Variants in SVEP1 observed in about 807,000 individuals in gnomAD.
SVEP1 encodes the protein sushi, von Willebrand factor type A, EGF and pentraxin domain-containing protein 1.
SVEP1 carries 164 observed loss-of-function variants against 367.3 expected under a neutral mutation model. The observed-to-expected ratio is 0.45, with a 90% confidence interval of 0.39 to 0.51. The LOEUF is 0.51. Ranked by LOEUF, SVEP1 falls within the 20% of genes least tolerant of loss-of-function variation. SVEP1 has a pLI of 0.00. For synonymous variants in SVEP1, 1,666 were observed against 1,611.6 expected, an observed-to-expected ratio of 1.03 and a Z score of -0.81; for missense variants, 4,117 against 4,425.3, an observed-to-expected ratio of 0.93 and a Z score of 1.98.
chr9:110,543,193 GAC>G (rs1204583730), intron 3 of SVEP1, among the ~76,000 whole-genome samples: 1 of 152,078 alleles, frequency 6.6e-6, no homozygotes, highest in African/African-American at 2.4e-5. Context: ...GCTACACAAA[GAC>G]AGAGGCACCT....
chr9:110,452,490 C>T lies in SVEP1; in HGVS notation c.3788-1088G>A, dbSNP rs559382543. Among the ~76,000 whole-genome samples the T allele has an allele frequency of 7.2e-5, 11 of 152,160 alleles. No homozygotes were observed. In the South Asian group the frequency reaches 1.2e-3, roughly 17 times the overall value. ...CTAAGGAAATGCAACCATAGGCAGA[C>T]GGTGGAGAGGAAAGAGCATGAGAAA... On this transcript the variant is annotated intron_variant, in intron 22 of 47. Transcript: ENST00000374469.
chr9:110,550,129 T>C (rs1383952943), intron 1 of SVEP1, 25 bp from the exon 2 acceptor site: 2 of 1,613,036 alleles, frequency 1.2e-6, no homozygotes, highest in Non-Finnish European at 8.5e-7. Flanking sequence ...GGAAAGTTAA[T>C]ATGAGTGTGT....
intron 27 of SVEP1, 115 bp downstream of exon 27, chr9:110,443,426 GAGAT>G: frequency 4.3e-6 from 4 of 926,538 alleles, no homozygotes; most frequent in Non-Finnish European, 5.9e-6. Context: ...GGAAATAAGA[GAGAT>G]AGCTGTTAAT....
chr9:110,554,805 T>C (rs1225213921), intron 1 of SVEP1, among the ~76,000 whole-genome samples: 1 of 152,008 alleles, frequency 6.6e-6, no homozygotes, highest in African/African-American at 2.4e-5. Flanking sequence ...AAAAGTGTTA[T>C]TGACATAAAT....
chr9:110,445,068 T>C (rs1363293743), intron 26 of SVEP1, among the ~76,000 whole-genome samples: 1 of 152,226 alleles, frequency 6.6e-6, no homozygotes, highest in African/African-American at 2.4e-5. Context: ...GAAAAGGCCA[T>C]GTGGTGCACC....
chr9:110,477,271 A>C (rs890898488), intron 13 of SVEP1, among the ~76,000 whole-genome samples: 3 of 152,088 alleles, frequency 2.0e-5, no homozygotes, highest in African/African-American at 7.2e-5. Context: ...TTAGCCACTC[A>C]TGTCTTCATG....
Position 110,379,486 on chromosome 9 carries a change from T to C in SVEP1, c.10269A>G (p.Glu3423=). 6.2e-7 allele frequency: 1 copy of C among 1,613,764 alleles called. No homozygotes were observed. Among genetic ancestry groups the C allele is most frequent in the South Asian group, 1.1e-5 (1 of 91,056 alleles). ...KISCGPPAHV[E]NAIARGVHYQ... is the part of the protein sequence containing the mutation. ...AATGTACGCCTCGAGCAATTGCATTTTCTACGTGAGCTGGTGGACCACATG... is the reference window on the plus strand; with the variant it reads ...AATGTACGCCTCGAGCAATTGCATTCTCTACGTGAGCTGGTGGACCACATG... The change falls in exon 44 of 48, where the codon GAA becomes GAG. Residue 3423 remains glutamate (E), a synonymous_variant. Coordinates refer to ENST00000374469, the MANE Select transcript of SVEP1 (RefSeq NM_153366.4).
chr9:110,538,585 C>A (rs1830106871), intron 3 of SVEP1, among the ~76,000 whole-genome samples: 2 of 152,002 alleles, frequency 1.3e-5, no homozygotes, highest in Admixed American at 1.3e-4. Flanking sequence ...AATAAATATT[C>A]CAGTGTTTCT....
rs1240198467 is a variant in SVEP1, at chr9:110,415,037, CCACT to C, written c.5976-3306_5976-3303del. Among the ~76,000 whole-genome samples, 7 of 151,970 alleles carry C rather than the reference CCACT, an allele frequency of 4.6e-5. 1 individual carries two copies. The highest frequency in any genetic ancestry group is 1.7e-4 in the African/African-American group (7 of 41,268). ...GAAAAGGAAAATGAGAAACAAATGA[CCACT>C]TACGTATTTGAGCAAACAACTGAAA... On this transcript the variant is annotated intron_variant, in intron 36 of 47. Coordinates refer to ENST00000374469, the MANE Select transcript of SVEP1 (RefSeq NM_153366.4).
rs770335736 is a variant in SVEP1 at position 110,411,320 on chromosome 9, G to T, written c.6391C>A (p.Gln2131Lys). Residue 2131 changes from glutamine to lysine, a missense_variant, in exon 37 of 48, where the codon CAG becomes AAG. By Grantham distance (53) the Gln-to-Lys change is moderately conservative. Coordinates refer to ENST00000374469, the MANE Select transcript of SVEP1 (RefSeq NM_153366.4). Reference sequence around the variant, plus strand: ...ATGGACATGGGGGAAGGGTTCCACTGCCCACCTCTCATACATTCAATCTTT... The same window carrying T: ...ATGGACATGGGGGAAGGGTTCCACTTCCCACCTCTCATACATTCAATCTTT... ...SAKIECMRGG[Q>K]WNPSPMSIQC... The T allele has an allele frequency of 4.3e-6, 7 of 1,613,896 alleles. No homozygotes were observed. The African/African-American group carries it at 5.3e-5, about 12-fold the overall frequency.
intron 1 of SVEP1, among the ~76,000 whole-genome samples, chr9:110,574,808 T>G (rs1319112883): frequency 7.1e-6 from 1 of 141,794 alleles, no homozygotes; most frequent in African/African-American, 2.6e-5. Flanking sequence ...TGCAGTGGTG[T>G]GGCCTCGGCT....
chr9:110,514,412 C>T (rs1467744554), intron 3 of SVEP1, among the ~76,000 whole-genome samples: 1 of 151,328 alleles, frequency 6.6e-6, no homozygotes, highest in East Asian at 1.9e-4. Context: ...AATCAGGAGG[C>T]CAAGGCAGGA....
chr9:110,389,246 T>TAAACTCAATAATTAACTAGTTTTTAAACA (rs1827584863), intron 41 of SVEP1, among the ~76,000 whole-genome samples: 1 of 152,194 alleles, frequency 6.6e-6, no homozygotes, highest in African/African-American at 2.4e-5. Flanking sequence ...AAAATGCTAA[T>TAAACTCAATAATTAACTAGTTTTTAAACA]AAACTCAATA....
intron 36 of SVEP1, 124 bp downstream of exon 36, chr9:110,427,467 A>G (rs770549150): frequency 1.5e-5 from 17 of 1,161,396 alleles, no homozygotes; most frequent in Non-Finnish European, 2.1e-5. Context: ...ATAAAAGCAT[A>G]AGGCTCTCTT....
intron 22 of SVEP1, among the ~76,000 whole-genome samples, chr9:110,454,227 GTTAAT>G (rs1828742214): frequency 6.6e-6 from 1 of 152,082 alleles, no homozygotes; most frequent in East Asian, 1.9e-4. Flanking sequence ...GATCCCACTT[GTTAAT>G]TTTTGTTTTT....
At chr9:110,473,515 C>T (rs1310498263) in intron 14 of SVEP1, among the ~76,000 whole-genome samples, 1 of 152,028 alleles carries the variant, frequency 6.6e-6, no homozygotes, top group Non-Finnish European at 1.5e-5. Flanking sequence ...CAAGATTATG[C>T]TATGTATGTA....
rs751172990 is a variant in SVEP1 at position 110,369,891 on chromosome 9, TATAGGCGA to T, written c.10694+24_10694+31del. 11 of 1,582,140 alleles carry T rather than the reference TATAGGCGA, an allele frequency of 7.0e-6. No homozygotes were observed. The South Asian group carries it at 1.2e-4, about 18-fold the overall frequency. On this transcript the variant is annotated intron_variant, in intron 47 of 47. Coordinates refer to ENST00000374469, the MANE Select transcript of SVEP1 (RefSeq NM_153366.4). ...TACTTGAATTTTAGAGTCTTCATGT[TATAGGCGA>T]ACATTAGTTTTTGGTTATCTTACCT...
At chr9:110,517,747 C>T (rs949894190) in intron 3 of SVEP1, among the ~76,000 whole-genome samples, 110 of 96,898 alleles carry the variant, frequency 1.1e-3, no homozygotes, top group Non-Finnish European at 1.3e-3. Flanking sequence ...AAGAACCTGG[C>T]TCTTAAAAAA....
chr9:110,392,932 G>A (rs562839623), intron 40 of SVEP1, among the ~76,000 whole-genome samples: 2 of 152,072 alleles, frequency 1.3e-5, no homozygotes, highest in Non-Finnish European at 2.9e-5. Context: ...CAAGTTTCCA[G>A]GCAATATTTT....
Sources: gnomAD v4.1 joint callset for allele counts (sites outside exome capture counted in the v4.1 genomes callset) on GRCh38, gnomAD v4.1.1 for gene constraint, MANE v1.5 for transcripts, NCBI Gene and HGNC (gene_info 2026-07-23, HGNC 2026-07-21) for gene names.